FREM3: variants seen among roughly 807,000 people sequenced by gnomAD.
FREM3 encodes FRAS1 related extracellular matrix 3.
FREM3 carries 105 observed loss-of-function variants against 129.1 expected under a neutral mutation model. The ratio of observed to expected loss-of-function variants is 0.81; its 90% CI spans 0.69 to 0.96. The LOEUF (loss-of-function observed/expected upper bound fraction) is 0.96. FREM3 is among the 40% of genes least tolerant of loss of function. The pLI is 0.00. For synonymous variants in FREM3, 1,014 were observed against 1,044.9 expected, an observed-to-expected ratio of 0.97 and a Z score of 0.57; for missense variants, 2,593 against 2,666.3, an observed-to-expected ratio of 0.97 and a Z score of 0.61.
At chr4:143,678,814 A>T (rs1403767637) in intron 2 of FREM3, among the ~76,000 whole-genome samples, 1 of 152,168 alleles carries the variant, frequency 6.6e-6, no homozygotes, top group African/African-American at 2.4e-5. Context: ...GTTTAAAAAG[A>T]ATAAGGCAGC....
chr4:143,684,185 A>G (rs978423612), intron 2 of FREM3, among the ~76,000 whole-genome samples: 1 of 152,104 alleles, frequency 6.6e-6, no homozygotes, highest in Non-Finnish European at 1.5e-5. Flanking sequence ...GTGACCTCCT[A>G]GCAGGAGATC....
intron 2 of FREM3, among the ~76,000 whole-genome samples, chr4:143,680,541 T>A (rs2149859089): frequency 6.6e-6 from 1 of 152,262 alleles, no homozygotes; most frequent in African/African-American, 2.4e-5. Flanking sequence ...GCTTCTTGAA[T>A]TCTTTATCTG....
chr4:143,616,142 G>T (rs11945627), intron 5 of FREM3, among the ~76,000 whole-genome samples: 17,100 of 152,160 alleles, frequency 0.11, 2,870 homozygotes, highest in African/African-American at 0.37. Context: ...AAAACAAAGT[G>T]CTTAACAATG....
intron 2 of FREM3, among the ~76,000 whole-genome samples, chr4:143,691,048 A>G (rs1436344038): frequency 1.3e-5 from 2 of 152,200 alleles, no homozygotes; most frequent in Non-Finnish European, 2.9e-5. Flanking sequence ...TAAAGAAATG[A>G]TTTTTTAAAA....
At chr4:143,616,792 C>CAAAA (rs775898686) in intron 5 of FREM3, among the ~76,000 whole-genome samples, 1 of 136,570 alleles carries the variant, frequency 7.3e-6, no homozygotes, top group African/African-American at 2.8e-5. Flanking sequence ...GACTCCGTCT[C>CAAAA]AAAAAAAAAA....
In FREM3 at chr4:143,697,912, C is replaced by A. The variant is rs1740609760; in HGVS notation, c.2764G>T (p.Gly922Trp). ...ATGGTGATGGGTATATGGTGCACCC[C>A]ATCACTTACTTCCAGATGGAAAGTG... ...SDTFHLEVSDGVHHIPITIPI... is the reference protein window; with the variant it reads ...SDTFHLEVSDWVHHIPITIPI... Residue 922 changes from glycine (G) to tryptophan (W), a missense_variant, in exon 1 of 8, where the codon GGG becomes TGG. By Grantham distance (184) the Gly-to-Trp change is radical. Transcript: ENST00000329798. 1 of 1,537,740 alleles carries A rather than the reference C, an allele frequency of 6.5e-7. No homozygotes were observed. The highest frequency in any genetic ancestry group is 1.4e-5 in the African/African-American group (1 of 73,032).
chr4:143,677,100 A>G (rs1740149328), intron 2 of FREM3, among the ~76,000 whole-genome samples: 1 of 152,222 alleles, frequency 6.6e-6, no homozygotes, highest in African/African-American at 2.4e-5. Context: ...TCCTAAGCCA[A>G]AAGAACAAAG....
At chr4:143,580,959 A>T (rs796266951) in intron 7 of FREM3, among the ~76,000 whole-genome samples, 6 of 152,172 alleles carry the variant, frequency 3.9e-5, no homozygotes, top group African/African-American at 1.4e-4. Flanking sequence ...AGCCCCACCT[A>T]GGCTCTTGGC....
At chr4:143,664,574 A>G (rs1739814550) in intron 2 of FREM3, among the ~76,000 whole-genome samples, 1 of 152,166 alleles carries the variant, frequency 6.6e-6, no homozygotes, top group Non-Finnish European at 1.5e-5. Flanking sequence ...GCCCGTTCTC[A>G]GATCTCCAGC....
At chr4:143,595,091 G>T (rs1738442881) in intron 6 of FREM3, among the ~76,000 whole-genome samples, 1 of 152,194 alleles carries the variant, frequency 6.6e-6, no homozygotes. Context: ...CATTTAAAAT[G>T]AGTTCAGTGT....
chr4:143,699,533 C>T lies in FREM3; in HGVS notation c.1143G>A (p.Glu381=). ...GLPVSFFTQQ[E]LRELKIAYQP... ...GATAGGCAATCTTCAGCTCCCTCAG[C>T]TCCTGCTGGGTGAAGAAGGAGACTG... Residue 381 remains glutamate (E), a synonymous_variant, in exon 1 of 8, where the codon GAG becomes GAA. Coordinates refer to ENST00000329798, the MANE Select transcript of FREM3 (RefSeq NM_001168235.2). The surrounding 1 kb of genome is among the most constrained non-coding windows in gnomAD (Gnocchi z 4.2). 6.5e-7 allele frequency: 1 copy of T among 1,537,264 alleles called. No individual in the cohort carries two copies. The highest frequency in any genetic ancestry group is 1.4e-5 in the African/African-American group (1 of 73,184).
chr4:143,587,921 A>C (rs1039315366), intron 6 of FREM3, among the ~76,000 whole-genome samples: 2 of 152,218 alleles, frequency 1.3e-5, no homozygotes, highest in Non-Finnish European at 2.9e-5. Context: ...GGACAAGTTC[A>C]TTCTGGCTCA....
At chr4:143,611,178 C>G (rs552060455) in intron 6 of FREM3, 101 bp downstream of exon 6, 1 of 1,290,796 alleles carries the variant, frequency 7.7e-7, no homozygotes, top group Admixed American at 2.6e-5. Context: ...ATCAAATATT[C>G]TTTTAAAAGA....
In FREM3 at chr4:143,697,728, A is replaced by G; in HGVS notation, c.2948T>C (p.Met983Thr). 1 of 1,537,696 alleles carries G rather than the reference A, an allele frequency of 6.5e-7. No individual in the cohort carries two copies. ...HGKRKDVGDLMLSFIVKDSPK... is the reference protein window; with the variant it reads ...HGKRKDVGDLTLSFIVKDSPK... ...GCTGTCCTTTACAATGAAAGACAGC[A>G]TCAAGTCACCTACATCCTTCCTTTT... is the stretch of plus-strand genomic sequence containing the variant. The change falls in exon 1 of 8, where the codon ATG becomes ACG. Residue 983 changes from methionine (M) to threonine (T), a missense_variant. Met to Thr is a moderately conservative substitution (Grantham distance 81). This residue lies in a region of FREM3 where 2,276 missense variants were observed against 2,267.2 expected (regional missense o/e 1.00). Coordinates refer to ENST00000329798, the MANE Select transcript of FREM3 (RefSeq NM_001168235.2).
At chr4:143,612,290 A>G (rs1738772361) in intron 5 of FREM3, among the ~76,000 whole-genome samples, 1 of 152,212 alleles carries the variant, frequency 6.6e-6, no homozygotes, top group African/African-American at 2.4e-5. Context: ...GCTTTGCATC[A>G]TTATAGATTT....
At chr4:143,596,407 C>T (rs899839879) in intron 6 of FREM3, among the ~76,000 whole-genome samples, 8 of 152,114 alleles carry the variant, frequency 5.3e-5, no homozygotes, top group Non-Finnish European at 7.4e-5. Flanking sequence ...GTAAGAAATG[C>T]CCTGAACAGC....
At chr4:143,616,298 G>A (rs371037629) in intron 5 of FREM3, among the ~76,000 whole-genome samples, 1 of 152,172 alleles carries the variant, frequency 6.6e-6, no homozygotes, top group Non-Finnish European at 1.5e-5. Flanking sequence ...CCTTCAGTAA[G>A]GGGACTTTTA....
chr4:143,676,900 A>G (rs1207961980), intron 2 of FREM3, among the ~76,000 whole-genome samples: 1 of 152,200 alleles, frequency 6.6e-6, no homozygotes, highest in African/African-American at 2.4e-5. Flanking sequence ...AGAGGATACA[A>G]ACAAATGGAA....
intron 2 of FREM3, among the ~76,000 whole-genome samples, chr4:143,632,174 C>CA (rs757429250): frequency 8.6e-5 from 13 of 151,230 alleles, no homozygotes; most frequent in Non-Finnish European, 1.5e-4. Context: ...GCTATTGACT[C>CA]TTCTAAGTGT....
Sources: gnomAD v4.1 joint callset for allele counts (sites outside exome capture counted in the v4.1 genomes callset) on GRCh38, gnomAD v4.1.1 for gene constraint, gnomAD v4.1.1 regional missense constraint, Gnocchi (gnomAD v3.1) non-coding constraint, MANE v1.5 for transcripts, NCBI Gene and HGNC (gene_info 2026-07-23, HGNC 2026-07-21) for gene names.